Variants in CRISPLD2 observed in about 807,000 individuals in gnomAD.
CRISPLD2 encodes cysteine rich secretory protein LCCL domain containing 2, also known as cysteine-rich secretory protein LCCL domain-containing 2.
A neutral mutation model predicts 71.1 loss-of-function variants in CRISPLD2; 47 were observed. The ratio of observed to expected loss-of-function variants is 0.66; its 90% CI spans 0.52 to 0.84. CRISPLD2 has a LOEUF of 0.84. Among genes scored for constraint, CRISPLD2 ranks in the 40% least tolerant of loss-of-function variants. The pLI, the probability that CRISPLD2 is intolerant of heterozygous loss-of-function variation, is 0.00. For synonymous variants in CRISPLD2, 317 were observed against 250.1 expected (o/e 1.27, Z -2.52); for missense variants, 830 against 651.1 (o/e 1.27, Z -2.99).
At chr16:84,843,281 G>GC (rs375256023) in intron 2 of CRISPLD2, among the ~76,000 whole-genome samples, 72 of 152,308 alleles carry the variant, frequency 4.7e-4, no homozygotes, top group African/African-American at 1.6e-3. Flanking sequence ...GCGCTGCATT[G>GC]CCCCTCTGCT....
At position 84,899,802 on chromosome 16, in the gene CRISPLD2, T is replaced by G. The variant is rs912706559; in HGVS notation, c.1440-6786T>G. On this transcript the variant is annotated intron_variant, in intron 14 of 14. Coordinates refer to ENST00000262424, the MANE Select transcript of CRISPLD2 (RefSeq NM_031476.4). ...GAATGGTTCCCTTGTCCCTTGGTTG[T>G]TTGGGGCCCTGAGAACATGAGAACC... 5.3e-5 allele frequency among the ~76,000 whole-genome samples: 8 copies of G among 152,116 alleles called. No homozygotes were observed. The East Asian group carries it at 1.2e-3, about 22-fold the overall frequency.
At chr16:84,865,408 G>T (rs1416814328) in intron 6 of CRISPLD2, among the ~76,000 whole-genome samples, 1 of 152,100 alleles carries the variant, frequency 6.6e-6, no homozygotes. Flanking sequence ...CACCCGCCTC[G>T]GCTTCCCAAA....
Position 84,838,595 on chromosome 16 carries a change from C to G in CRISPLD2, c.100C>G (p.Leu34Val). Residue 34 changes from leucine to valine, a missense_variant, in exon 2 of 15, where the codon CTG becomes GTG. Physicochemically the swap from Leu to Val is conservative, Grantham distance 32 (BLOSUM62 1). Transcript: ENST00000262424. ...LLPNVTLLEELLSKYQHNESH... is the reference protein window; with the variant it reads ...LLPNVTLLEEVLSKYQHNESH... Reference sequence around the variant, plus strand: ...GCCCAACGTCACTCTCTTAGAGGAGCTGCTCAGCAAATACCAGCACAACGA... The same window carrying G: ...GCCCAACGTCACTCTCTTAGAGGAGGTGCTCAGCAAATACCAGCACAACGA... 6.2e-7 allele frequency: 1 copy of G among 1,614,240 alleles called. No homozygotes were observed. The highest frequency in any genetic ancestry group is 8.5e-7 in the Non-Finnish European group (1 of 1,180,050).
At chr16:84,872,908 AG>A in intron 9 of CRISPLD2, 83 bp from the exon 10 acceptor site, 1 of 1,511,198 alleles carries the variant, frequency 6.6e-7, no homozygotes, top group Non-Finnish European at 8.9e-7. Flanking sequence ...TAGTGAGTTG[AG>A]GACAAATGTT....
chr16:84,901,041 ACACGC>A (rs1412967238), intron 14 of CRISPLD2, among the ~76,000 whole-genome samples: 2 of 140,092 alleles, frequency 1.4e-5, no homozygotes, highest in African/African-American at 5.8e-5. Context: ...ACACACACAC[ACACGC>A]AAAAAAAAAA....
chr16:84,906,086 A>G (rs778574552), intron 14 of CRISPLD2, among the ~76,000 whole-genome samples: 2 of 152,114 alleles, frequency 1.3e-5, no homozygotes, highest in African/African-American at 2.4e-5. Context: ...TTTACTAGCC[A>G]TGGGACCCTG....
chr16:84,860,081 G>C (rs1388179651), intron 6 of CRISPLD2, among the ~76,000 whole-genome samples: 3 of 50,210 alleles, frequency 6.0e-5, no homozygotes, highest in Admixed American at 6.0e-4. Flanking sequence ...ATCTCCCTAA[G>C]CCTTTGGATC....
intron 1 of CRISPLD2, among the ~76,000 whole-genome samples, chr16:84,825,935 C>A (rs1314021125): frequency 6.6e-6 from 1 of 151,656 alleles, no homozygotes; most frequent in Admixed American, 6.6e-5. Context: ...CCAACCTGAA[C>A]AACAGAGTGA....
At position 84,831,784 on chromosome 16, in the gene CRISPLD2, G is replaced by C. The variant is rs548284255; in HGVS notation, c.-74-6638G>C. Among the ~76,000 whole-genome samples, 10 of 152,232 alleles carry C rather than the reference G, an allele frequency of 6.6e-5. No homozygotes were observed. In the East Asian group the frequency reaches 1.7e-3, roughly 26 times the overall value. On this transcript the variant is annotated intron_variant, in intron 1 of 14. Coordinates refer to ENST00000262424, the MANE Select transcript of CRISPLD2 (RefSeq NM_031476.4). The stretch of plus-strand genomic sequence containing the variant: ...GAGTCTTGCCGTGTCACCCAGGCGG[G>C]AGTGCAGAGGCACGATCTCGGCTCA...
rs2071495315 is a variant in CRISPLD2 at position 84,873,799 on chromosome 16, G to C, written c.1113-121G>C. On this transcript the variant is annotated intron_variant, in intron 10 of 14. Transcript: ENST00000262424. Reference sequence around the variant, plus strand: ...GAGCTCTCAGGCTGATAGGAAACAAGTAGAAAAGTGTGAAGTCGAGACTGC... The same window carrying C: ...GAGCTCTCAGGCTGATAGGAAACAACTAGAAAAGTGTGAAGTCGAGACTGC... 4.4e-6 allele frequency: 4 copies of C among 916,970 alleles called. No individual in the cohort carries two copies. In the South Asian group the frequency reaches 7.0e-5, roughly 16 times the overall value. The allele number at this position is 916,970 out of a possible 1,614,324, so 56.8% of individuals were successfully genotyped here.
intron 6 of CRISPLD2, among the ~76,000 whole-genome samples, chr16:84,863,831 G>A (rs995954522): frequency 6.6e-6 from 1 of 151,992 alleles, no homozygotes; most frequent in African/African-American, 2.4e-5. Context: ...AGCCGGGCAT[G>A]GTGGCGCATG....
At chr16:84,848,058 C>T (rs1916964032) in intron 3 of CRISPLD2, among the ~76,000 whole-genome samples, 2 of 152,214 alleles carry the variant, frequency 1.3e-5, no homozygotes. Flanking sequence ...CAGACTTCCC[C>T]CTTTCTTAAG....
At chr16:84,874,357 T>A (rs1024096250) in intron 11 of CRISPLD2, among the ~76,000 whole-genome samples, 1 of 152,238 alleles carries the variant, frequency 6.6e-6, no homozygotes, top group African/African-American at 2.4e-5. Context: ...CTTGATAGAT[T>A]AGTAATGTCT....
In CRISPLD2 at chr16:84,898,443, A is replaced by G. The variant is rs567821050; in HGVS notation, c.1440-8145A>G. Among the ~76,000 whole-genome samples, 137 of 152,072 alleles carry G rather than the reference A, an allele frequency of 9.0e-4. 1 individual carries two copies. Among genetic ancestry groups the G allele is most frequent in the Non-Finnish European group, 1.3e-3 (89 of 67,992 alleles). ...CTCTCTGCTCCTTGACTGCACCAAG[A>G]TCATGCACACCTCAGTGCTTTTGTA... On this transcript the variant is annotated intron_variant, in intron 14 of 14. Transcript: ENST00000262424.
chr16:84,894,430 A>G (rs888661946), intron 14 of CRISPLD2, among the ~76,000 whole-genome samples: 2 of 152,220 alleles, frequency 1.3e-5, no homozygotes, highest in African/African-American at 2.4e-5. Context: ...ATACAAAGGT[A>G]TATATGGGTG....
chr16:84,827,413 CTCACCACCTGG>C (rs999307328), intron 1 of CRISPLD2, among the ~76,000 whole-genome samples: 1 of 152,156 alleles, frequency 6.6e-6, no homozygotes, highest in Non-Finnish European at 1.5e-5. Context: ...TTCAAGGCTG[CTCACCACCTGG>C]CCCTGGCTGC....
intron 6 of CRISPLD2, 91 bp downstream of exon 6, chr16:84,854,920 G>C: frequency 1.0e-6 from 1 of 1,000,538 alleles, no homozygotes; most frequent in Non-Finnish European, 1.6e-6. Flanking sequence ...AATTAAAGAA[G>C]TCAGTCACCC....
At chr16:84,834,196 G>A (rs1445376397) in intron 1 of CRISPLD2, among the ~76,000 whole-genome samples, 7 of 152,204 alleles carry the variant, frequency 4.6e-5, no homozygotes, top group East Asian at 3.9e-4. Context: ...AGGAGATCAC[G>A]GAGGTCAGGC....
rs73255435 is a variant in CRISPLD2 at position 84,900,799 on chromosome 16, C to A, written c.1440-5789C>A. On this transcript the variant is annotated intron_variant, in intron 14 of 14. Transcript: ENST00000262424. Reference sequence around the variant, plus strand: ...GGGCTCAATGGCTCGCGCTTATAATCCGGGCACTTTGGGAGGCTGAGACGG... The same window carrying A: ...GGGCTCAATGGCTCGCGCTTATAATACGGGCACTTTGGGAGGCTGAGACGG... 6.0e-3 allele frequency among the ~76,000 whole-genome samples: 911 copies of A among 152,180 alleles called. 11 individuals carry two copies. Among genetic ancestry groups the A allele is most frequent in the African/African-American group, 0.019 (808 of 41,510 alleles).
Sources: allele counts gnomAD v4.1 joint callset (sites outside exome capture counted in the v4.1 genomes callset), GRCh38; gene constraint gnomAD v4.1.1; transcripts MANE v1.5; gene names NCBI Gene and HGNC (gene_info 2026-07-23, HGNC 2026-07-21).